The following HIVEP1 variants were observed in gnomAD, a reference collection of about 807,000 sequenced individuals.
The protein encoded by HIVEP1 is zinc finger protein 40.
HIVEP1 carries 36 observed loss-of-function variants against 180.0 expected under a neutral mutation model. The ratio of observed to expected loss-of-function variants is 0.20; its 90% confidence interval spans 0.15 to 0.26. HIVEP1 has a LOEUF of 0.26. Among genes scored for constraint, HIVEP1 ranks in the 10% least tolerant of loss-of-function variants. The pLI is 1.00. For synonymous variants in HIVEP1, 1,239 were observed against 1,239.0 expected (o/e 1.00, Z 0.00); for missense variants, 3,143 against 3,268.7 (o/e 0.96, Z 0.94).
intron 2 of HIVEP1, among the ~76,000 whole-genome samples, chr6:12,055,526 A>G (rs1396213714): frequency 6.6e-6 from 1 of 152,240 alleles, no homozygotes; most frequent in Non-Finnish European, 1.5e-5. Context: ...TATTTAAAAT[A>G]GAAAACCACA....
At chr6:12,086,044 G>A (rs935454208) in intron 2 of HIVEP1, among the ~76,000 whole-genome samples, 6 of 152,084 alleles carry the variant, frequency 3.9e-5, no homozygotes, top group Non-Finnish European at 1.5e-5. Context: ...ACACAAGATA[G>A]TTCTTATAGC....
At chr6:12,015,792 T>G (rs1767702228) in intron 2 of HIVEP1, 124 bp downstream of exon 2, 1 of 773,728 alleles carries the variant, frequency 1.3e-6, no homozygotes, top group East Asian at 2.5e-5. Context: ...CTATTTCTCT[T>G]GCTCATTTCC....
At chr6:12,167,665 CATATATACATAT>C (rs879897322), downstream of HIVEP1, among the ~76,000 whole-genome samples, 2 of 79,112 alleles carry the variant, frequency 2.5e-5, no homozygotes, top group Non-Finnish European at 4.2e-5. Context: ...GTTATATATA[CATATATACATAT>C]ATGTGTATAA....
chr6:12,211,371 G>T, the HIVEP1 span, among the ~76,000 whole-genome samples: 4 of 93,912 alleles, frequency 4.3e-5, no homozygotes, highest in African/African-American at 9.8e-5. Context: ...CTGCACTCCA[G>T]CCTGGGTGAC....
chr6:12,059,775 TC>T (rs1258819600), intron 2 of HIVEP1, among the ~76,000 whole-genome samples: 3 of 152,236 alleles, frequency 2.0e-5, no homozygotes, highest in African/African-American at 7.2e-5. Flanking sequence ...GAGGTACAGC[TC>T]CCACTGCCTC....
chr6:12,095,790 A>G (rs750943721), intron 3 of HIVEP1, among the ~76,000 whole-genome samples: 1 of 152,034 alleles, frequency 6.6e-6, no homozygotes, highest in Non-Finnish European at 1.5e-5. Flanking sequence ...AAGAAAGTAC[A>G]TGAGGAAAAT....
At chr6:12,156,773 G>A (rs1251440411) in intron 7 of HIVEP1, among the ~76,000 whole-genome samples, 2 of 152,174 alleles carry the variant, frequency 1.3e-5, no homozygotes, top group Non-Finnish European at 2.9e-5. Context: ...AATATGGTAT[G>A]TACTGGTGAA....
At chr6:12,118,139 TTG>T (rs200054349) in intron 3 of HIVEP1, among the ~76,000 whole-genome samples, 36 of 21,150 alleles carry the variant, frequency 1.7e-3, no homozygotes, top group African/African-American at 2.0e-3. Context: ...AGACCCCCTT[TTG>T]TTTTTTTTTT....
In HIVEP1 at chr6:12,163,510, G is replaced by A. The variant is rs1442160910; in HGVS notation, c.7206G>A (p.Gly2402=). The change falls in exon 9 of 9, where the codon GGG becomes GGA. Residue 2402 remains glycine, a synonymous_variant. Transcript: ENST00000379388. ...CACCTTATAATATGGTTCCAGTTGG[G>A]GGGATCCATGTGGTACCTGCTGGCC... The part of the protein sequence containing the change: ...SRTPYNMVPV[G]GIHVVPAGLT... 1.2e-6 allele frequency: 2 copies of A among 1,614,112 alleles called. No homozygotes were observed. Among genetic ancestry groups the A allele is most frequent in the East Asian group, 4.5e-5 (2 of 44,874 alleles).
downstream of HIVEP1, among the ~76,000 whole-genome samples, chr6:12,169,421 A>G (rs1760840979): frequency 6.6e-6 from 1 of 152,176 alleles, no homozygotes; most frequent in Non-Finnish European, 1.5e-5. Flanking sequence ...TGTCTTCTGA[A>G]TCTGGCTTGG....
Position 12,164,689 on chromosome 6 carries a change from T to C in HIVEP1, c.*228T>C. 2.5e-6 allele frequency: 1 copy of C among 404,050 alleles called. No homozygotes were observed. Among genetic ancestry groups the C allele is most frequent in the Non-Finnish European group, 4.4e-6 (1 of 228,482 alleles). 25.0% of individuals were successfully genotyped at this position (404,050 alleles called of 1,614,324 possible). On this transcript the variant is annotated 3_prime_UTR_variant, in exon 9 of 9. Transcript: ENST00000379388. ...GCTTTATGTTTAGAAACTGTACAGA[T>C]TGTTGAATATCTATATACATAAAAA...
rs781618415 is a variant in HIVEP1 at position 12,125,854 on chromosome 6, A to G, written c.6059A>G (p.Lys2020Arg). Residue 2020 changes from lysine (K) to arginine (R), a missense_variant, in exon 4 of 9, where the codon AAA becomes AGA. Physicochemically the swap from Lys to Arg is conservative, Grantham distance 26. Around this residue, in one of 12 missense-constraint regions of HIVEP1, gnomAD observed 1,357 missense variants for 1,260.5 expected, o/e 1.08. Coordinates refer to ENST00000379388, the MANE Select transcript of HIVEP1 (RefSeq NM_002114.4). ...SDLLVYSSKWKSSLSKRALGN... is the reference protein window; with the variant it reads ...SDLLVYSSKWRSSLSKRALGN... ...TTATTGGTCTATTCAAGCAAGTGGA[A>G]AAGCAGCTTAAGCAAGGTACTTGAA... The G allele has an allele frequency of 6.3e-7, 1 of 1,598,346 alleles. No homozygotes were observed. The highest frequency in any genetic ancestry group is 2.2e-5 in the East Asian group (1 of 44,776).
At chr6:12,101,964 A>C (rs996049377) in intron 3 of HIVEP1, among the ~76,000 whole-genome samples, 4 of 138,128 alleles carry the variant, frequency 2.9e-5, no homozygotes, top group Non-Finnish European at 4.8e-5. Flanking sequence ...TGTTAATATC[A>C]AAAGGGACTT....
intron 6 of HIVEP1, among the ~76,000 whole-genome samples, chr6:12,131,363 TATA>T (rs1474013358): frequency 7.2e-5 from 11 of 151,984 alleles, no homozygotes; most frequent in African/African-American, 2.7e-4. Context: ...AGTAAACTTC[TATA>T]ATAATTACAC....
intron 7 of HIVEP1, among the ~76,000 whole-genome samples, chr6:12,161,234 C>T (rs930673899): frequency 4.6e-5 from 7 of 152,180 alleles, no homozygotes; most frequent in African/African-American, 9.7e-5. Flanking sequence ...CGGCCCCTCC[C>T]GCAGAGCTGC....
At position 12,164,160 on chromosome 6, in the gene HIVEP1, C is replaced by T. The variant is rs1414628538; in HGVS notation, c.7856C>T (p.Ala2619Val). Residue 2619 changes from alanine (A) to valine (V), a missense_variant, in exon 9 of 9, where the codon GCC becomes GTC. Ala to Val is a moderately conservative substitution (Grantham distance 64, BLOSUM62 0). This residue lies in a region of HIVEP1 where 595 missense variants were observed against 602.2 expected (regional missense o/e 0.99). Coordinates refer to ENST00000379388, the MANE Select transcript of HIVEP1 (RefSeq NM_002114.4). Reference protein sequence around the residue: ...ENAKKVLNPPAPAGDHARLDG... With the variant: ...ENAKKVLNPPVPAGDHARLDG... Reference sequence around the variant, plus strand: ...GCAAAAAAAGTTCTGAATCCACCTGCCCCTGCAGGTGACCATGCAAGGCTT... The same window carrying T: ...GCAAAAAAAGTTCTGAATCCACCTGTCCCTGCAGGTGACCATGCAAGGCTT... The T allele has an allele frequency of 4.3e-6, 7 of 1,614,084 alleles. No homozygotes were observed. Among genetic ancestry groups the T allele is most frequent in the Middle Eastern group, 1.6e-4 (1 of 6,084 alleles).
chr6:12,091,943 A>T (rs2113344799), intron 3 of HIVEP1, among the ~76,000 whole-genome samples: 1 of 152,294 alleles, frequency 6.6e-6, no homozygotes, highest in South Asian at 2.1e-4. Flanking sequence ...ATTAACTGGG[A>T]AGAAATAAAT....
At chr6:12,050,324 G>A (rs952367911) in intron 2 of HIVEP1, among the ~76,000 whole-genome samples, 6 of 152,134 alleles carry the variant, frequency 3.9e-5, no homozygotes, top group African/African-American at 1.2e-4. Flanking sequence ...GCTGGCTCAC[G>A]CCTGTAATCC....
chr6:12,151,466 G>A (rs1759696648), intron 7 of HIVEP1, among the ~76,000 whole-genome samples: 1 of 152,168 alleles, frequency 6.6e-6, no homozygotes. Context: ...AATAGAAAAG[G>A]AGAAAGTCAG....
Sources: gnomAD v4.1 joint callset for allele counts (sites outside exome capture counted in the v4.1 genomes callset) on GRCh38, gnomAD v4.1.1 for gene constraint, gnomAD v4.1.1 regional missense constraint, MANE v1.5 for transcripts, NCBI Gene and HGNC (gene_info 2026-07-23, HGNC 2026-07-21) for gene names.